KPNA5: variants seen among roughly 807,000 people sequenced by gnomAD.
KPNA5 encodes karyopherin subunit alpha 5.
A neutral mutation model predicts 71.3 loss-of-function variants in KPNA5; 46 were observed. The observed-to-expected ratio is 0.65, with a 90% CI of 0.51 to 0.83. The LOEUF (loss-of-function observed/expected upper bound fraction) is 0.83. KPNA5 is among the 40% of genes least tolerant of loss of function. The pLI is 0.00. For missense variants in KPNA5, 547 were observed against 628.3 expected (o/e 0.87, Z 1.38); for synonymous variants, 207 against 201.4 (o/e 1.03, Z -0.24).
intron 7 of KPNA5, among the ~76,000 whole-genome samples, chr6:116,705,892 C>CA (rs1324394426): frequency 3.3e-5 from 5 of 152,150 alleles, no homozygotes; most frequent in African/African-American, 4.8e-5. Context: ...CACTAGTTTT[C>CA]AAAAAACATT....
At chr6:116,682,765 G>T (rs1156373809) in intron 1 of KPNA5, among the ~76,000 whole-genome samples, 2 of 152,130 alleles carry the variant, frequency 1.3e-5, no homozygotes, top group African/African-American at 4.8e-5. Context: ...TTAAAGTGCT[G>T]GAATAACATT....
intron 10 of KPNA5, among the ~76,000 whole-genome samples, chr6:116,724,953 C>T (rs1014208672): frequency 1.6e-4 from 25 of 152,226 alleles, no homozygotes; most frequent in African/African-American, 5.5e-4. Flanking sequence ...TTATTTAACA[C>T]GTTAGATTCT....
chr6:116,700,217 A>T (rs1778176981), intron 5 of KPNA5, among the ~76,000 whole-genome samples: 1 of 152,154 alleles, frequency 6.6e-6, no homozygotes, highest in South Asian at 2.1e-4. Context: ...CACACCTGTA[A>T]TCCCAGCACT....
intron 7 of KPNA5, among the ~76,000 whole-genome samples, chr6:116,709,834 G>C (rs891931195): frequency 6.6e-6 from 1 of 150,730 alleles, no homozygotes; most frequent in African/African-American, 2.4e-5. Flanking sequence ...GCATGATCTT[G>C]GCTCACTGCA....
chr6:116,694,361 A>T (rs1197438228), intron 4 of KPNA5, among the ~76,000 whole-genome samples: 1 of 152,112 alleles, frequency 6.6e-6, no homozygotes, highest in Non-Finnish European at 1.5e-5. Flanking sequence ...GATTCTTCCT[A>T]CCCATAAGCA....
Position 116,733,162 on chromosome 6 carries a change from A to T in KPNA5, c.*839A>T, listed in dbSNP as rs993600476. 2.0e-5 allele frequency: 3 copies of T among 151,822 alleles called. No homozygotes were observed. The highest frequency in any genetic ancestry group is 7.2e-5 in the African/African-American group (3 of 41,438). The allele number at this position is 151,822 out of a possible 1,614,324, so 9.4% of individuals were successfully genotyped here. A position where few individuals can be genotyped will look rare whatever the true frequency, so the allele number is the denominator to read the frequency against. ...TAAAGAGCATCATGACAGAGATGTC[A>T]TCATGAATCTAAAGTAGTGCTGCAT... On this transcript the variant is annotated 3_prime_UTR_variant, in exon 14 of 14. Transcript: ENST00000368564.
rs1381501549 is a variant in KPNA5 at position 116,737,751 on chromosome 6, T to A, written c.*5428T>A. The A allele has an allele frequency of 6.6e-6, 1 of 152,008 alleles. No individual in the cohort carries two copies. Among genetic ancestry groups the A allele is most frequent in the Non-Finnish European group, 1.5e-5 (1 of 67,928 alleles). The allele number at this position is 152,008 out of a possible 1,614,324, so 9.4% of individuals were successfully genotyped here. Reference sequence around the variant, plus strand: ...TTAGCATACCAATCTATGTTCTTTTTAAAATCTCTGTTTAATGTGGGCTTT... The same window carrying A: ...TTAGCATACCAATCTATGTTCTTTTAAAAATCTCTGTTTAATGTGGGCTTT... On this transcript the variant is annotated 3_prime_UTR_variant, in exon 14 of 14. Coordinates refer to ENST00000368564, the MANE Select transcript of KPNA5 (RefSeq NM_001366306.2).
rs566040947 is a variant in KPNA5, at chr6:116,726,488, CT to C, written c.1126-6del. 8.7e-3 allele frequency: 14,016 copies of C among 1,607,382 alleles called. 106 individuals are homozygous for C. The highest frequency in any genetic ancestry group is 0.015 in the South Asian group (1,380 of 90,226). On this transcript the variant is annotated splice_region_variant and splice_polypyrimidine_tract_variant and intron_variant, in intron 11 of 13. Coordinates refer to ENST00000368564, the MANE Select transcript of KPNA5 (RefSeq NM_001366306.2). ...TTGTACTGATTATATATTTTTCCCCCTCTCAGGCTGTTATAGATGCAAATAT... is the reference window on the plus strand; with the variant it reads ...TTGTACTGATTATATATTTTTCCCCCCTCAGGCTGTTATAGATGCAAATAT...
intron 7 of KPNA5, among the ~76,000 whole-genome samples, chr6:116,711,412 G>A (rs1448180159): frequency 6.6e-6 from 1 of 151,356 alleles, no homozygotes; most frequent in Non-Finnish European, 1.5e-5. Flanking sequence ...TTCTGAAGGT[G>A]GAAGGTTATC....
At chr6:116,687,249 C>T (rs1237548069) in intron 1 of KPNA5, among the ~76,000 whole-genome samples, 1 of 152,070 alleles carries the variant, frequency 6.6e-6, no homozygotes, top group Non-Finnish European at 1.5e-5. Context: ...CTTTCACCTC[C>T]TTGGCTGGCT....
chr6:116,704,083 G>C (rs936160626), intron 6 of KPNA5, among the ~76,000 whole-genome samples: 1 of 151,824 alleles, frequency 6.6e-6, no homozygotes, highest in Non-Finnish European at 1.5e-5. Flanking sequence ...TGTCACTCAG[G>C]CTGCAGTGCA....
At chr6:116,721,653 C>T (rs956075765) in intron 8 of KPNA5, among the ~76,000 whole-genome samples, 2 of 152,182 alleles carry the variant, frequency 1.3e-5, no homozygotes, top group African/African-American at 4.8e-5. Context: ...TAATGACTTC[C>T]ACTTGAGTAC....
chr6:116,739,639 A>T lies in KPNA5; in HGVS notation c.*7316A>T, dbSNP rs1006895681. The T allele has an allele frequency of 5.3e-5, 8 of 152,324 alleles. No individual in the cohort carries two copies. The highest frequency in any genetic ancestry group is 8.8e-5 in the Non-Finnish European group (6 of 68,116). 9.4% of individuals were successfully genotyped at this position (152,324 alleles called of 1,614,324 possible). The stretch of plus-strand genomic sequence containing the variant: ...GTAACCAAAACAGCATGGTACCAGT[A>T]CCAAAACAGATATAGATCAATGGAA... On this transcript the variant is annotated 3_prime_UTR_variant, in exon 14 of 14. Coordinates refer to ENST00000368564, the MANE Select transcript of KPNA5 (RefSeq NM_001366306.2).
Position 116,726,511 on chromosome 6 carries a change from A to T in KPNA5, c.1142A>T (p.Asn381Ile), listed in dbSNP as rs144082164. 6.2e-7 allele frequency: 1 copy of T among 1,611,628 alleles called. No homozygotes were observed. Among genetic ancestry groups the T allele is most frequent in the African/African-American group, 1.3e-5 (1 of 74,924 alleles). ...CCCTCTCAGGCTGTTATAGATGCAA[A>T]TATTTTTCCTGTTTTGATTGAGATT... ...RAQIQAVIDA[N>I]IFPVLIEILQ... The change falls in exon 12 of 14, where the codon AAT becomes ATT. Residue 381 changes from asparagine to isoleucine, a missense_variant. Physicochemically the swap from Asn to Ile is moderately radical, Grantham distance 149. Coordinates refer to ENST00000368564, the MANE Select transcript of KPNA5 (RefSeq NM_001366306.2).
At chr6:116,711,672 C>T (rs1306184803) in intron 7 of KPNA5, among the ~76,000 whole-genome samples, 1 of 151,948 alleles carries the variant, frequency 6.6e-6, no homozygotes. Context: ...AGAGAAGATA[C>T]TTTTTATGAT....
At chr6:116,689,183 C>A (rs1161876866) in intron 1 of KPNA5, 137 bp from the exon 2 acceptor site, 4 of 814,858 alleles carry the variant, frequency 4.9e-6, no homozygotes, top group Non-Finnish European at 5.9e-6. Context: ...GGAATGTATT[C>A]TTTGTACATA....
intron 10 of KPNA5, among the ~76,000 whole-genome samples, chr6:116,725,271 G>T (rs1779249674): frequency 6.6e-6 from 1 of 152,048 alleles, no homozygotes; most frequent in Admixed American, 6.6e-5. Flanking sequence ...GAATGTAAAG[G>T]GACAATGCAG....
At chr6:116,702,269 T>C (rs983116018) in intron 6 of KPNA5, 119 bp downstream of exon 6, 9 of 1,009,924 alleles carry the variant, frequency 8.9e-6, no homozygotes, top group Non-Finnish European at 8.6e-6. Flanking sequence ...TGCATTAAAT[T>C]GTAGTAGTGT....
In KPNA5 at chr6:116,716,235, A is replaced by T. The variant is rs376042384; in HGVS notation, c.673A>T (p.Asn225Tyr). 6.2e-7 allele frequency: 1 copy of T among 1,612,358 alleles called. No individual in the cohort carries two copies. The stretch of plus-strand genomic sequence containing the variant: ...TCTTGGCAGGTTATTAACAAATTCA[A>T]ACAGACTCACAACAACAAGAAATGC... The part of the protein sequence containing the change: ...PPLLELLTNS[N>Y]RLTTTRNAVW... The change falls in exon 8 of 14, where the codon AAC becomes TAC. Residue 225 changes from asparagine (N) to tyrosine (Y), a missense_variant. Asn to Tyr is a moderately radical substitution (Grantham distance 143). Coordinates refer to ENST00000368564, the MANE Select transcript of KPNA5 (RefSeq NM_001366306.2).
Sources: gnomAD v4.1 joint callset for allele counts (sites outside exome capture counted in the v4.1 genomes callset) on GRCh38, gnomAD v4.1.1 for gene constraint, MANE v1.5 for transcripts, NCBI Gene and HGNC (gene_info 2026-07-23, HGNC 2026-07-21) for gene names.